RPS17: variants seen among roughly 807,000 people sequenced by gnomAD.
RPS17 encodes the protein small ribosomal subunit protein eS17.
For missense variants in RPS17, 68 were observed against 182.3 expected (o/e 0.37, Z 3.61); for synonymous variants, 75 against 65.6 (o/e 1.14, Z -0.70).
At chr15:82,539,924 C>T in intron 2 of RPS17, 57 bp downstream of exon 2, 1 of 1,611,734 alleles carries the variant, frequency 6.2e-7, no homozygotes, top group Non-Finnish European at 8.5e-7. Flanking sequence ...AGTCGGAGGG[C>T]GGCAGAGCAC....
chr15:82,539,953 C>G (rs1167749527), intron 2 of RPS17, 28 bp downstream of exon 2: 3 of 1,611,844 alleles, frequency 1.9e-6, no homozygotes, highest in Non-Finnish European at 2.5e-6. Flanking sequence ...ATCGCGGAGC[C>G]CCGGAGGCCG....
chr15:82,540,233 G>A (rs904287163), intron 1 of RPS17, 101 bp from the exon 2 acceptor site: 3 of 1,609,496 alleles, frequency 1.9e-6, no homozygotes, highest in South Asian at 2.2e-5. Flanking sequence ...CGCCGGCTGC[G>A]CTGAGCCGGA....
In RPS17 at chr15:82,540,453, G is replaced by T. The variant is rs1245251898; in HGVS notation, c.-25C>A. On this transcript the variant is annotated 5_prime_UTR_variant, in exon 1 of 5. Coordinates refer to ENST00000647841, the MANE Select transcript of RPS17 (RefSeq NM_001021.6). ...TGTTGGCGGGTCCTTGGTAAAAGAG[G>T]AAACAGGAAGCACAGGCGAAGCCTG... 6.3e-7 allele frequency: 1 copy of T among 1,589,082 alleles called. No individual in the cohort carries two copies. Among genetic ancestry groups the T allele is most frequent in the Non-Finnish European group, 8.6e-7 (1 of 1,169,088 alleles).
At position 82,536,791 on chromosome 15, in the gene RPS17, C is replaced by T; in HGVS notation, c.*10G>A. 1 of 1,613,918 alleles carries T rather than the reference C, an allele frequency of 6.2e-7. No homozygotes were observed. Among genetic ancestry groups the T allele is most frequent in the South Asian group, 1.1e-5 (1 of 91,070 alleles). ...ATTTATTGAAAATAATACAGCACTACAGAAAAAATTCAAACAGGTCCCCGA... is the reference window on the plus strand; with the variant it reads ...ATTTATTGAAAATAATACAGCACTATAGAAAAAATTCAAACAGGTCCCCGA... On this transcript the variant is annotated 3_prime_UTR_variant, in exon 5 of 5. Coordinates refer to ENST00000647841, the MANE Select transcript of RPS17 (RefSeq NM_001021.6).
intron 2 of RPS17, chr15:82,539,672 G>A: frequency 2.2e-6 from 1 of 458,440 alleles, no homozygotes. Flanking sequence ...CTGGGCGCCA[G>A]GGCAAGATTC....
chr15:82,536,998 G>C (rs2034250912), intron 4 of RPS17, 117 bp from the exon 5 acceptor site: 2 of 1,189,870 alleles, frequency 1.7e-6, no homozygotes, highest in African/African-American at 1.5e-5. Flanking sequence ...GAGGCGACCT[G>C]AAGGACCCTT....
chr15:82,538,034 G>A (rs939069759), intron 4 of RPS17: 34 of 515,350 alleles, frequency 6.6e-5, no homozygotes, highest in Middle Eastern at 2.9e-4. Context: ...AGGGGGCAAC[G>A]TAAGCCAGCT....
intron 2 of RPS17, chr15:82,539,490 C>A: frequency 2.2e-6 from 1 of 458,318 alleles, no homozygotes; most frequent in Non-Finnish European, 4.4e-6. Flanking sequence ...GTGTTCGAGA[C>A]CAGCCTGGTC....
intron 1 of RPS17, 123 bp from the exon 2 acceptor site, chr15:82,540,255 TA>T: frequency 6.2e-7 from 1 of 1,604,840 alleles, no homozygotes; most frequent in Non-Finnish European, 8.5e-7. Context: ...AGGGCCCGGC[TA>T]AACAGTGCCG....
At chr15:82,540,266 G>T in intron 1 of RPS17, 134 bp from the exon 2 acceptor site, 2 of 1,600,952 alleles carry the variant, frequency 1.2e-6, no homozygotes, top group Non-Finnish European at 1.7e-6. Context: ...AAACAGTGCC[G>T]GGCGCCGGGC....
At position 82,538,226 on chromosome 15, in the gene RPS17, C is replaced by T. The variant is rs990557809; in HGVS notation, c.327+80G>A. 0.011 allele frequency: 16,312 copies of T among 1,502,318 alleles called. 971 individuals carry two copies. In the Admixed American group the frequency reaches 0.13, roughly 12 times the overall value. The allele number at this position is 1,502,318 out of a possible 1,614,324, so 93.1% of individuals were successfully genotyped here. A position where few individuals can be genotyped will look rare whatever the true frequency, so the allele number is the denominator to read the frequency against. ...GATTCCCAACTCTGCCACTTACTAG[C>T]TGGGTGACCTTGGATAATAAGACCT... On this transcript the variant is annotated intron_variant, in intron 4 of 4. Transcript: ENST00000647841.
At chr15:82,538,715 G>T (rs2034284251) in intron 3 of RPS17, 165 bp downstream of exon 3, 2 of 763,438 alleles carry the variant, frequency 2.6e-6, no homozygotes, top group Admixed American at 4.1e-5. Flanking sequence ...CAGAAGAGCA[G>T]AATGGAGGCT....
Position 82,540,162 on chromosome 15 carries a change from G to A in RPS17, c.4-30C>T, listed in dbSNP as rs2034321753. The A allele has an allele frequency of 3.1e-6, 5 of 1,613,518 alleles. No homozygotes were observed. In the African/African-American group the frequency reaches 5.3e-5, roughly 17 times the overall value. On this transcript the variant is annotated intron_variant, in intron 1 of 4. Coordinates refer to ENST00000647841, the MANE Select transcript of RPS17 (RefSeq NM_001021.6). ...GGGTGGAGAGGACAGGATCACTCAC[G>A]AGCCAGCGCAACCTTCTGGGAAGAG...
At chr15:82,539,052 C>A in intron 2 of RPS17, 67 bp from the exon 3 acceptor site, 2 of 1,480,904 alleles carry the variant, frequency 1.4e-6, no homozygotes, top group Non-Finnish European at 1.9e-6. Flanking sequence ...GTACTGAGCA[C>A]ATGTGCATAT....
intron 1 of RPS17, 95 bp from the exon 2 acceptor site, chr15:82,540,227 G>A (rs1567156328): frequency 4.3e-6 from 7 of 1,610,362 alleles, no homozygotes; most frequent in Non-Finnish European, 5.1e-6. Flanking sequence ...GGGGACCGCC[G>A]GCTGCGCTGA....
In RPS17 at chr15:82,540,419, C is replaced by G; in HGVS notation, c.3+7G>C. 1.3e-6 allele frequency: 2 copies of G among 1,596,352 alleles called. No individual in the cohort carries two copies. Among genetic ancestry groups the G allele is most frequent in the Non-Finnish European group, 1.7e-6 (2 of 1,172,722 alleles). On this transcript the variant is annotated splice_region_variant and intron_variant, in intron 1 of 4. Coordinates refer to ENST00000647841, the MANE Select transcript of RPS17 (RefSeq NM_001021.6). ...GGAGGATGGCGGCCTCGAGCCAAAACACCTACCATGTTGGCGGGTCCTTGG... is the reference window on the plus strand; with the variant it reads ...GGAGGATGGCGGCCTCGAGCCAAAAGACCTACCATGTTGGCGGGTCCTTGG...
chr15:82,537,773 A>C (rs2034266319), intron 4 of RPS17: 1 of 436,706 alleles, frequency 2.3e-6, no homozygotes, highest in Non-Finnish European at 4.6e-6. Context: ...CCATAAAAAT[A>C]GGAAAAATGA....
intron 4 of RPS17, chr15:82,537,953 G>T (rs2034269524): frequency 4.3e-6 from 2 of 462,898 alleles, no homozygotes; most frequent in Non-Finnish European, 8.6e-6. Flanking sequence ...TTTCTGAGTG[G>T]TTAGCATGGA....
In RPS17 at chr15:82,538,385, A is replaced by AGGTAG; in HGVS notation, c.262-19_262-15dup. ...CAAGGCTGAGACCTACAAGGAAACG[A>AGGTAG]GGTAGGGTCAAAATACCAATCAATG... On this transcript the variant is annotated splice_polypyrimidine_tract_variant and intron_variant, in intron 3 of 4. Coordinates refer to ENST00000647841, the MANE Select transcript of RPS17 (RefSeq NM_001021.6). 6.2e-7 allele frequency: 1 copy of AGGTAG among 1,611,780 alleles called. No homozygotes were observed. Among genetic ancestry groups the AGGTAG allele is most frequent in the Non-Finnish European group, 8.5e-7 (1 of 1,179,558 alleles).
Sources: gnomAD v4.1 joint callset for allele counts on GRCh38, gnomAD v4.1.1 for gene constraint, MANE v1.5 for transcripts, NCBI Gene and HGNC (gene_info 2026-07-23, HGNC 2026-07-21) for gene names.